Variants in LINGO2 observed in about 807,000 individuals in gnomAD.
LINGO2 encodes leucine rich repeat and Ig domain containing 2, also known as leucine-rich repeat and immunoglobulin-like domain-containing nogo receptor-interacting protein 2.
A neutral mutation model predicts 30.6 loss-of-function variants in LINGO2; 14 were observed. The ratio of observed to expected loss-of-function variants is 0.46; its 90% confidence interval spans 0.30 to 0.72. LINGO2 has a LOEUF of 0.72. Ranked by LOEUF, LINGO2 falls within the 30% of genes least tolerant of loss-of-function variation. The probability of loss-of-function intolerance (pLI) is 0.07; values close to 1 mark genes in which losing one functional copy is unlikely to be tolerated. For missense variants in LINGO2, 729 were observed against 751.7 expected, an observed-to-expected ratio of 0.97 and a Z score of 0.35; for synonymous variants, 317 against 288.5, an observed-to-expected ratio of 1.10 and a Z score of -1.00.
At chr9:28,483,167 A>T (rs891878380) in intron 1 of LINGO2, among the ~76,000 whole-genome samples, 5 of 152,100 alleles carry the variant, frequency 3.3e-5, no homozygotes, top group African/African-American at 1.2e-4. Flanking sequence ...TTTTGTTAGC[A>T]TTCAGATTGT....
the LINGO2 span, among the ~76,000 whole-genome samples, chr9:28,915,377 CAG>C: frequency 1.3e-5 from 2 of 152,086 alleles, no homozygotes; most frequent in Admixed American, 6.6e-5. Flanking sequence ...TGGGTCACTG[CAG>C]AGTTTCTGAA....
the LINGO2 span, among the ~76,000 whole-genome samples, chr9:28,820,487 T>A: frequency 6.6e-6 from 1 of 152,226 alleles, no homozygotes; most frequent in Non-Finnish European, 1.5e-5. Context: ...CATTGACGTA[T>A]GTCAAGCATC....
chr9:28,023,261 G>A (rs1204600743), intron 4 of LINGO2, among the ~76,000 whole-genome samples: 1 of 152,036 alleles, frequency 6.6e-6, no homozygotes, highest in Non-Finnish European at 1.5e-5. Flanking sequence ...CAGGTAATAG[G>A]AGCTGAGGTA....
chr9:28,109,822 T>C (rs1826719404), intron 4 of LINGO2, among the ~76,000 whole-genome samples: 1 of 152,180 alleles, frequency 6.6e-6, no homozygotes, highest in Non-Finnish European at 1.5e-5. Context: ...AATGCCAAAG[T>C]AATTTATAGA....
intron 4 of LINGO2, among the ~76,000 whole-genome samples, chr9:28,171,832 C>A (rs1288976435): frequency 1.1e-4 from 17 of 149,458 alleles, no homozygotes; most frequent in Admixed American, 2.7e-4. Flanking sequence ...CACGGTGAAA[C>A]CCCGTCTCTA....
chr9:28,931,083 G>C, the LINGO2 span, among the ~76,000 whole-genome samples: 1 of 152,224 alleles, frequency 6.6e-6, no homozygotes, highest in African/African-American at 2.4e-5. Context: ...TTAGATATTT[G>C]CTGATTTAGA....
At chr9:28,861,806 T>G in the LINGO2 span, among the ~76,000 whole-genome samples, 1 of 151,926 alleles carries the variant, frequency 6.6e-6, no homozygotes, top group African/African-American at 2.4e-5. Context: ...ATTCATTGTT[T>G]GTAAACCTGT....
chr9:28,034,366 G>C (rs973787597), intron 4 of LINGO2, among the ~76,000 whole-genome samples: 2 of 152,128 alleles, frequency 1.3e-5, no homozygotes, highest in African/African-American at 4.8e-5. Context: ...CGAGAAGCCC[G>C]TTCTATTTAG....
the LINGO2 span, among the ~76,000 whole-genome samples, chr9:28,799,282 G>A: frequency 6.6e-6 from 1 of 152,050 alleles, no homozygotes; most frequent in Non-Finnish European, 1.5e-5. Flanking sequence ...AGAGCTAATC[G>A]TCAGTATAGT....
At chr9:29,007,310 T>C in the LINGO2 span, among the ~76,000 whole-genome samples, 4 of 152,096 alleles carry the variant, frequency 2.6e-5, no homozygotes, top group Non-Finnish European at 5.9e-5. Context: ...ATTTAGTACA[T>C]CCAGATGTAA....
the LINGO2 span, among the ~76,000 whole-genome samples, chr9:28,875,155 C>G: frequency 2.0e-5 from 3 of 152,022 alleles, no homozygotes; most frequent in Admixed American, 1.3e-4. Flanking sequence ...ACTTTTTCTC[C>G]TATCTTTTTA....
At chr9:28,738,004 CA>C in the LINGO2 span, among the ~76,000 whole-genome samples, 1 of 152,112 alleles carries the variant, frequency 6.6e-6, no homozygotes, top group South Asian at 2.1e-4. Context: ...TCCCTCTCAG[CA>C]ACTAAAAAAT....
chr9:29,059,632 A>G, the LINGO2 span, among the ~76,000 whole-genome samples: 3 of 151,904 alleles, frequency 2.0e-5, no homozygotes, highest in Admixed American at 2.0e-4. Context: ...TTTATAAAAA[A>G]AGGAGAGTTT....
the LINGO2 span, among the ~76,000 whole-genome samples, chr9:28,991,333 C>T: frequency 2.2e-4 from 33 of 151,388 alleles, no homozygotes; most frequent in African/African-American, 3.9e-4. Flanking sequence ...TAAAAAGAAA[C>T]GAACAAAGCC....
At chr9:28,581,392 CT>C (rs984712408) in intron 1 of LINGO2, among the ~76,000 whole-genome samples, 4 of 151,674 alleles carry the variant, frequency 2.6e-5, no homozygotes, top group African/African-American at 9.7e-5. Flanking sequence ...ACTGTTTCAG[CT>C]TTTTCTAAGT....
chr9:28,601,895 G>C (rs575908588), intron 1 of LINGO2, among the ~76,000 whole-genome samples: 6 of 152,054 alleles, frequency 3.9e-5, no homozygotes, highest in Non-Finnish European at 7.4e-5. Flanking sequence ...GGCAGATTGA[G>C]AGTACCAAAA....
intron 2 of LINGO2, among the ~76,000 whole-genome samples, chr9:28,391,799 A>T (rs1821845681): frequency 6.6e-6 from 1 of 152,210 alleles, no homozygotes. Flanking sequence ...TTTATACAAC[A>T]TTATTAAATA....
intron 1 of LINGO2, among the ~76,000 whole-genome samples, chr9:28,598,458 A>G (rs1419624203): frequency 7.1e-6 from 1 of 140,420 alleles, no homozygotes; most frequent in Non-Finnish European, 1.5e-5. Context: ...CAAACAAAAA[A>G]AACGCCAAAT....
At chr9:29,030,862 T>C in the LINGO2 span, among the ~76,000 whole-genome samples, 2 of 152,204 alleles carry the variant, frequency 1.3e-5, no homozygotes, top group Non-Finnish European at 2.9e-5. Context: ...CAATTATTAC[T>C]GAGATTTGCA....
Sources: gnomAD v4.1 joint callset for allele counts (sites outside exome capture counted in the v4.1 genomes callset) on GRCh38, gnomAD v4.1.1 for gene constraint, MANE v1.5 for transcripts, NCBI Gene and HGNC (gene_info 2026-07-23, HGNC 2026-07-21) for gene names.